ZRANB3: variants seen among roughly 807,000 people sequenced by gnomAD.
The protein encoded by ZRANB3 is zinc finger RANBP2-type containing 3.
In ZRANB3, 125 loss-of-function variants were observed where a neutral mutation model predicts 133.8. The ratio of observed to expected loss-of-function variants is 0.93; its 90% confidence interval spans 0.81 to 1.08. The LOEUF (loss-of-function observed/expected upper bound fraction) is 1.08. Among genes scored for constraint, ZRANB3 ranks in the 50% least tolerant of loss-of-function variants. ZRANB3 has a pLI of 0.00. For missense variants in ZRANB3, 1,229 were observed against 1,275.5 expected (o/e 0.96, Z 0.56); for synonymous variants, 387 against 432.7 (o/e 0.89, Z 1.31).
intron 20 of ZRANB3, among the ~76,000 whole-genome samples, chr2:135,201,395 G>A (rs1205488585): frequency 6.6e-6 from 1 of 152,064 alleles, no homozygotes; most frequent in African/African-American, 2.4e-5. Flanking sequence ...GCTCACACCT[G>A]TAATCCCAAC....
At chr2:135,501,953 A>G (rs1182194903) in intron 2 of ZRANB3, among the ~76,000 whole-genome samples, 1 of 152,154 alleles carries the variant, frequency 6.6e-6, no homozygotes, top group African/African-American at 2.4e-5. Flanking sequence ...TTTGAGACTC[A>G]AGGGTATTAT....
chr2:135,446,879 A>G (rs1466602454), intron 2 of ZRANB3, among the ~76,000 whole-genome samples: 1 of 152,042 alleles, frequency 6.6e-6, no homozygotes, highest in Admixed American at 6.5e-5. Flanking sequence ...TTCCTTATGA[A>G]ATTTATTTGA....
At position 135,524,324 on chromosome 2, in the gene ZRANB3, C is replaced by T. The variant is rs1338767344; in HGVS notation, c.-8+6803G>A. Among the ~76,000 whole-genome samples the T allele has an allele frequency of 2.6e-5, 4 of 152,206 alleles. 1 individual carries two copies. In the East Asian group the frequency reaches 5.8e-4, roughly 22 times the overall value. On this transcript the variant is annotated intron_variant, in intron 1 of 20. Coordinates refer to ENST00000264159, the MANE Select transcript of ZRANB3 (RefSeq NM_032143.4). Reference sequence around the variant, plus strand: ...CTCGAACTCCCGACCTCAGGTGATCCACCCGCCTCGGCCTCCCAAAGTGCT... The same window carrying T: ...CTCGAACTCCCGACCTCAGGTGATCTACCCGCCTCGGCCTCCCAAAGTGCT...
intron 2 of ZRANB3, among the ~76,000 whole-genome samples, chr2:135,430,730 C>G (rs73956713): frequency 0.1 from 15,763 of 152,072 alleles, 1,086 homozygotes; most frequent in South Asian, 0.32. Flanking sequence ...ATAGATTAAT[C>G]AAACAGGATA....
At chr2:135,379,609 C>G (rs1004276499) in intron 3 of ZRANB3, among the ~76,000 whole-genome samples, 3 of 152,132 alleles carry the variant, frequency 2.0e-5, no homozygotes, top group Non-Finnish European at 4.4e-5. Context: ...CAAGCAAATG[C>G]TGAGAGATTT....
intron 8 of ZRANB3, among the ~76,000 whole-genome samples, chr2:135,307,383 A>G (rs1041526062): frequency 4.6e-5 from 7 of 152,076 alleles, no homozygotes; most frequent in Admixed American, 3.9e-4. Flanking sequence ...TTATGATTAC[A>G]TTTTATTTCC....
At chr2:135,249,514 G>A (rs567509609) in intron 12 of ZRANB3, among the ~76,000 whole-genome samples, 3 of 152,276 alleles carry the variant, frequency 2.0e-5, no homozygotes, top group South Asian at 2.1e-4. Flanking sequence ...CAAATACCAC[G>A]TTCTCACTTA....
chr2:135,223,192 A>T (rs1299901448), intron 15 of ZRANB3, among the ~76,000 whole-genome samples: 1 of 151,482 alleles, frequency 6.6e-6, no homozygotes, highest in African/African-American at 2.4e-5. Flanking sequence ...CAGAGGTTGC[A>T]GTGAGCCGAG....
intron 9 of ZRANB3, among the ~76,000 whole-genome samples, chr2:135,272,857 G>A (rs1399769508): frequency 6.6e-6 from 1 of 152,014 alleles, no homozygotes; most frequent in Non-Finnish European, 1.5e-5. Flanking sequence ...TTGAGACAAG[G>A]GGGTTATCAC....
chr2:135,439,323 T>C (rs1689680497), intron 2 of ZRANB3, among the ~76,000 whole-genome samples: 1 of 152,026 alleles, frequency 6.6e-6, no homozygotes, highest in African/African-American at 2.4e-5. Flanking sequence ...TTGATCTAGC[T>C]CTAATTAACT....
intron 2 of ZRANB3, among the ~76,000 whole-genome samples, chr2:135,474,314 C>T (rs928713598): frequency 2.6e-5 from 4 of 151,958 alleles, no homozygotes; most frequent in Admixed American, 6.6e-5. Context: ...TGACTCAACC[C>T]GACTCTAGCC....
chr2:135,435,529 G>T (rs567195994), intron 2 of ZRANB3, among the ~76,000 whole-genome samples: 35 of 152,182 alleles, frequency 2.3e-4, no homozygotes, highest in Admixed American at 2.3e-3. Flanking sequence ...TTGCTAAGTC[G>T]AATGATAGTT....
chr2:135,275,651 T>C lies in ZRANB3; in HGVS notation c.1071A>G (p.Ala357=), dbSNP rs1307652915. Residue 357 remains alanine (A), a synonymous_variant, in exon 9 of 21, where the codon GCA becomes GCG. Transcript: ENST00000264159. Reference sequence around the variant, plus strand: ...GGCAACATACCTTATTTTCGATGACTGCTTCTGTGCAAGCTTGGAGCATGC... The same window carrying C: ...GGCAACATACCTTATTTTCGATGACCGCTTCTGTGCAAGCTTGGAGCATGC... The part of the protein sequence containing the change: ...HLSMLQACTE[A]VIENKTRYIR... 17 of 1,589,474 alleles carry C rather than the reference T, an allele frequency of 1.1e-5. No homozygotes were observed. The highest frequency in any genetic ancestry group is 1.4e-5 in the Non-Finnish European group (16 of 1,169,538).
At chr2:135,364,126 G>T (rs1277299630) in intron 3 of ZRANB3, among the ~76,000 whole-genome samples, 5 of 151,728 alleles carry the variant, frequency 3.3e-5, no homozygotes, top group African/African-American at 1.2e-4. Context: ...AGGAAGAAGG[G>T]AAGGAAGGAG....
At chr2:135,409,969 G>A (rs1688227944) in intron 2 of ZRANB3, among the ~76,000 whole-genome samples, 1 of 152,118 alleles carries the variant, frequency 6.6e-6, no homozygotes, top group Non-Finnish European at 1.5e-5. Flanking sequence ...ATGAAACACT[G>A]ATGAAAGAAA....
At chr2:135,265,440 A>G (rs1573788305) in intron 12 of ZRANB3, 94 bp downstream of exon 12, 2 of 1,319,928 alleles carry the variant, frequency 1.5e-6, no homozygotes, top group East Asian at 5.1e-5. Flanking sequence ...TCAACACCAT[A>G]AATAATTGAG....
Position 135,230,730 on chromosome 2 carries a change from T to C in ZRANB3, c.1737A>G (p.Lys579=), listed in dbSNP as rs757970202. ...TGCAGTGGTCTTCCGAGGCAGCCAATTTCAATCTTTTCGTTTCAGGTTCAA... is the reference window on the plus strand; with the variant it reads ...TGCAGTGGTCTTCCGAGGCAGCCAACTTCAATCTTTTCGTTTCAGGTTCAA... The part of the protein sequence containing the change: ...SDVEPETKRL[K]LAASEDHCSP... Residue 579 remains lysine (K), a synonymous_variant, in exon 13 of 21, where the codon AAA becomes AAG. Coordinates refer to ENST00000264159, the MANE Select transcript of ZRANB3 (RefSeq NM_032143.4). The C allele has an allele frequency of 6.2e-7, 1 of 1,613,220 alleles. No homozygotes were observed. The highest frequency in any genetic ancestry group is 1.1e-5 in the South Asian group (1 of 90,758).
chr2:135,388,829 C>T (rs1167319884), intron 3 of ZRANB3, among the ~76,000 whole-genome samples: 1 of 152,126 alleles, frequency 6.6e-6, no homozygotes. Flanking sequence ...GTAATCCCAG[C>T]ACTTTGGGAG....
At chr2:135,484,808 C>A (rs994037862) in intron 2 of ZRANB3, among the ~76,000 whole-genome samples, 1 of 151,496 alleles carries the variant, frequency 6.6e-6, no homozygotes, top group Non-Finnish European at 1.5e-5. Flanking sequence ...CCAAAGTGGG[C>A]AGATCACTTG....
Sources: gnomAD v4.1 joint callset for allele counts (sites outside exome capture counted in the v4.1 genomes callset) on GRCh38, gnomAD v4.1.1 for gene constraint, MANE v1.5 for transcripts, NCBI Gene and HGNC (gene_info 2026-07-23, HGNC 2026-07-21) for gene names.